NDST4: variants seen among roughly 807,000 people sequenced by gnomAD.
NDST4 encodes N-deacetylase and N-sulfotransferase 4.
NDST4 carries 63 observed loss-of-function variants against 100.8 expected under a neutral mutation model. That is an observed-to-expected ratio of 0.62 (90% confidence interval 0.51 to 0.77). NDST4 has a LOEUF of 0.77. NDST4 is among the 30% of genes least tolerant of loss of function. The probability of loss-of-function intolerance (pLI) is 0.00; values close to 1 mark genes in which losing one functional copy is unlikely to be tolerated. For synonymous variants in NDST4, 377 were observed against 361.8 expected (o/e 1.04, Z -0.48); for missense variants, 943 against 1,018.4 (o/e 0.93, Z 1.01).
intron 2 of NDST4, among the ~76,000 whole-genome samples, chr4:115,004,684 A>G (rs982938891): frequency 5.3e-5 from 8 of 152,208 alleles, no homozygotes; most frequent in Admixed American, 3.3e-4. Flanking sequence ...CATATAATAG[A>G]AAGTTATTCT....
chr4:115,015,155 C>T (rs564155074), intron 2 of NDST4, among the ~76,000 whole-genome samples: 4 of 152,098 alleles, frequency 2.6e-5, no homozygotes, highest in Non-Finnish European at 5.9e-5. Context: ...GGCGTCACAC[C>T]AATTACACAG....
At position 114,827,779 on chromosome 4, in the gene NDST4, A is replaced by C; in HGVS notation, c.*37T>G. 1 of 1,594,264 alleles carries C rather than the reference A, an allele frequency of 6.3e-7. No homozygotes were observed. The highest frequency in any genetic ancestry group is 8.5e-7 in the Non-Finnish European group (1 of 1,174,006). ...GTGGATTTATTTTTTTTTTAACACT[A>C]AAAGTATCTTGAGAGGCTTAGTTCT... On this transcript the variant is annotated 3_prime_UTR_variant, in exon 14 of 14. Coordinates refer to ENST00000264363, the MANE Select transcript of NDST4 (RefSeq NM_022569.3).
chr4:114,948,386 A>T (rs550149601), intron 4 of NDST4, among the ~76,000 whole-genome samples: 1 of 151,680 alleles, frequency 6.6e-6, no homozygotes, highest in Non-Finnish European at 1.5e-5. Flanking sequence ...CTTTACTACC[A>T]GGCAAAGCAG....
chr4:115,067,844 T>A (rs538248231), intron 2 of NDST4, among the ~76,000 whole-genome samples: 2 of 151,888 alleles, frequency 1.3e-5, no homozygotes, highest in South Asian at 2.1e-4. Context: ...GCTGCACCCA[T>A]TAACTCATCA....
chr4:114,873,822 T>C (rs1430693516), intron 6 of NDST4, among the ~76,000 whole-genome samples: 3 of 152,124 alleles, frequency 2.0e-5, no homozygotes. Context: ...CTGAAAATAG[T>C]ATGAAAAACC....
intron 1 of NDST4, among the ~76,000 whole-genome samples, chr4:115,102,954 A>G (rs1229655574): frequency 1.3e-5 from 2 of 151,944 alleles, no homozygotes; most frequent in Non-Finnish European, 2.9e-5. Flanking sequence ...GTGATCCACC[A>G]GCCTGAGCCT....
At chr4:114,831,782 A>G (rs989977754) in intron 12 of NDST4, among the ~76,000 whole-genome samples, 2 of 152,120 alleles carry the variant, frequency 1.3e-5, no homozygotes, top group African/African-American at 4.8e-5. Context: ...CATTTATTGC[A>G]TTGGCAACTT....
At chr4:115,047,430 T>C (rs1728485936) in intron 2 of NDST4, among the ~76,000 whole-genome samples, 1 of 152,138 alleles carries the variant, frequency 6.6e-6, no homozygotes, top group Non-Finnish European at 1.5e-5. Context: ...CCCTGGTACA[T>C]GAAAATATTC....
At chr4:115,108,427 C>T (rs1010710688) in intron 1 of NDST4, among the ~76,000 whole-genome samples, 1 of 151,972 alleles carries the variant, frequency 6.6e-6, no homozygotes, top group Non-Finnish European at 1.5e-5. Context: ...TGTGAAATCA[C>T]TTTCCCTTCT....
intron 6 of NDST4, among the ~76,000 whole-genome samples, chr4:114,873,842 G>T (rs1262966140): frequency 6.6e-6 from 1 of 152,066 alleles, no homozygotes; most frequent in Non-Finnish European, 1.5e-5. Flanking sequence ...CAGGCTGCAG[G>T]CTAAATGCCT....
chr4:114,877,979 G>A (rs149520431), intron 6 of NDST4, among the ~76,000 whole-genome samples: 178 of 146,018 alleles, frequency 1.2e-3, no homozygotes, highest in African/African-American at 4.4e-3. Flanking sequence ...AAGAAGGAAA[G>A]AAAATGGAAG....
chr4:114,988,917 C>T (rs1389223856), intron 2 of NDST4, among the ~76,000 whole-genome samples: 1 of 151,992 alleles, frequency 6.6e-6, no homozygotes, highest in Non-Finnish European at 1.5e-5. Flanking sequence ...ATACTAAAAT[C>T]CATAGTATAG....
chr4:114,827,903 A>T lies in NDST4; in HGVS notation c.2532T>A (p.Asp844Glu). The T allele has an allele frequency of 6.2e-7, 1 of 1,610,586 alleles. No homozygotes were observed. Among genetic ancestry groups the T allele is most frequent in the Non-Finnish European group, 8.5e-7 (1 of 1,178,784 alleles). Residue 844 changes from aspartate to glutamate, a missense_variant, in exon 14 of 14, where the codon GAT becomes GAA. Physicochemically the swap from Asp to Glu is conservative, Grantham distance 45. Coordinates refer to ENST00000264363, the MANE Select transcript of NDST4 (RefSeq NM_022569.3). ...SRTFLSNYYR[D>E]HNVELSKLLH... ...GCAGTTTGGATAGTTCCACATTATG[A>T]TCTCGGTAGTAATTAGAGAGGAACG...
chr4:115,099,454 T>G (rs946247960), intron 1 of NDST4, among the ~76,000 whole-genome samples: 4 of 151,832 alleles, frequency 2.6e-5, no homozygotes, highest in Non-Finnish European at 4.4e-5. Context: ...CAAAGAACTC[T>G]TAAAATTCCA....
In NDST4 at chr4:114,922,867, A is replaced by T. The variant is rs182356414; in HGVS notation, c.1536+12339T>A. Among the ~76,000 whole-genome samples, 30 of 152,330 alleles carry T rather than the reference A, an allele frequency of 2.0e-4. No homozygotes were observed. The East Asian group carries it at 5.0e-3, about 25-fold the overall frequency. ...GATACATATAGTAGAGGTGAAGAAGATAGTCACTAAACAGGTACCACCATG... is the reference window on the plus strand; with the variant it reads ...GATACATATAGTAGAGGTGAAGAAGTTAGTCACTAAACAGGTACCACCATG... On this transcript the variant is annotated intron_variant, in intron 6 of 13. Transcript: ENST00000264363.
intron 2 of NDST4, among the ~76,000 whole-genome samples, chr4:115,027,470 A>G (rs1728012450): frequency 6.6e-6 from 1 of 152,134 alleles, no homozygotes. Context: ...GATAAAGACG[A>G]CAGCTTACAT....
chr4:115,022,357 C>G (rs62315298), intron 2 of NDST4, among the ~76,000 whole-genome samples: 1 of 93,056 alleles, frequency 1.1e-5, no homozygotes, highest in East Asian at 3.6e-4. Flanking sequence ...ATGTGTTCCA[C>G]GTACATATGT....
At chr4:114,870,054 T>C (rs963669734) in intron 7 of NDST4, among the ~76,000 whole-genome samples, 1 of 152,100 alleles carries the variant, frequency 6.6e-6, no homozygotes, top group Non-Finnish European at 1.5e-5. Flanking sequence ...AGCCAGCCTA[T>C]TGATTTTGTG....
chr4:115,044,973 A>G (rs115537297), intron 2 of NDST4, among the ~76,000 whole-genome samples: 1 of 152,076 alleles, frequency 6.6e-6, no homozygotes, highest in African/African-American at 2.4e-5. Context: ...AATGTGAAAC[A>G]ACTGGAACTT....
Sources: allele counts gnomAD v4.1 joint callset (sites outside exome capture counted in the v4.1 genomes callset), GRCh38; gene constraint gnomAD v4.1.1; transcripts MANE v1.5; gene names NCBI Gene and HGNC (gene_info 2026-07-23, HGNC 2026-07-21).